Variants in RORA observed in about 807,000 individuals in gnomAD.
RORA encodes nuclear receptor ROR-alpha.
Under a neutral mutation model 69.5 loss-of-function variants are expected in RORA, and 7 were observed. The observed-to-expected ratio is 0.10, with a 90% confidence interval of 0.06 to 0.19. RORA has a LOEUF of 0.19. Ranked by LOEUF, RORA falls within the 10% of genes least tolerant of loss-of-function variation. The pLI is 1.00. For synonymous variants in RORA, 261 were observed against 240.8 expected (o/e 1.08, Z -0.78); for missense variants, 457 against 663.0 (o/e 0.69, Z 3.41).
rs911322932 is a variant in RORA, at chr15:60,621,961, T to C, written c.196+56696A>G. Among the ~76,000 whole-genome samples the C allele has an allele frequency of 3.8e-4, 57 of 151,886 alleles. 1 individual carries two copies. The highest frequency in any genetic ancestry group is 1.3e-3 in the African/African-American group (54 of 41,356). On this transcript the variant is annotated intron_variant, in intron 2 of 10. Coordinates refer to ENST00000335670, the MANE Select transcript of RORA (RefSeq NM_134261.3). ...TACTCAGGAGGCTGAGGCAGGAGAA[T>C]TGCTTGAATCCGGGAGGCGGAGGTC...
chr15:60,976,016 G>A (rs569468808), intron 1 of RORA, among the ~76,000 whole-genome samples: 34 of 152,322 alleles, frequency 2.2e-4, no homozygotes, highest in Non-Finnish European at 2.9e-5. Flanking sequence ...GACTGGCTTG[G>A]GCCATATAAG....
At chr15:60,862,338 T>C (rs376754931) in intron 1 of RORA, among the ~76,000 whole-genome samples, 2 of 152,232 alleles carry the variant, frequency 1.3e-5, no homozygotes, top group East Asian at 1.9e-4. Flanking sequence ...GCTAAAATTC[T>C]TAGCTTAGAT....
chr15:60,654,797 CAG>C (rs1236054022), intron 2 of RORA, among the ~76,000 whole-genome samples: 1 of 152,100 alleles, frequency 6.6e-6, no homozygotes, highest in Non-Finnish European at 1.5e-5. Flanking sequence ...ACTTTGGAGA[CAG>C]AGGAAGGAGC....
rs33962963 is a variant in RORA at position 60,703,126 on chromosome 15, AACACACACACAC to A, written c.167-24452_167-24441del. Among the ~76,000 whole-genome samples the A allele has an allele frequency of 1.3e-3, 194 of 145,574 alleles. 1 individual carries two copies. The highest frequency in any genetic ancestry group is 4.6e-3 in the African/African-American group (182 of 39,504). ...GAGCAAGGAGACGATGCTTCAGATT[AACACACACACAC>A]ACACACACACACACACACACACACA... On this transcript the variant is annotated intron_variant, in intron 1 of 10. Coordinates refer to ENST00000335670, the MANE Select transcript of RORA (RefSeq NM_134261.3).
At chr15:61,079,092 C>G (rs1258295282) in intron 1 of RORA, among the ~76,000 whole-genome samples, 4 of 151,992 alleles carry the variant, frequency 2.6e-5, no homozygotes, top group Admixed American at 6.6e-5. Context: ...CCCTTACTAA[C>G]CAATTACAGA....
intron 1 of RORA, among the ~76,000 whole-genome samples, chr15:61,129,208 A>C (rs540286708): frequency 7.9e-5 from 12 of 152,282 alleles, no homozygotes; most frequent in Admixed American, 4.6e-4. Flanking sequence ...ATGTTACAGA[A>C]GGTATTTCAA....
chr15:60,505,371 T>A, intron 6 of RORA, 137 bp downstream of exon 6: 1 of 894,918 alleles, frequency 1.1e-6, no homozygotes. Context: ...CATTAGTAGC[T>A]TCAGAAAAAA....
At chr15:60,604,840 C>T (rs1346519906) in intron 2 of RORA, among the ~76,000 whole-genome samples, 3 of 152,146 alleles carry the variant, frequency 2.0e-5, no homozygotes, top group Admixed American at 1.3e-4. Flanking sequence ...TAACACCTAT[C>T]TTTAGAGATG....
chr15:61,043,964 T>C (rs1483688576), intron 1 of RORA, among the ~76,000 whole-genome samples: 1 of 152,094 alleles, frequency 6.6e-6, no homozygotes, highest in East Asian at 1.9e-4. Context: ...AGAGCAAAGC[T>C]GTGCTCAAAG....
At chr15:60,515,936 TA>T (rs1367338620) in intron 3 of RORA, among the ~76,000 whole-genome samples, 198 of 17,532 alleles carry the variant, frequency 0.011, 15 homozygotes, top group Middle Eastern at 0.042. Context: ...TTTATATATA[TA>T]TTTATATATA....
intron 1 of RORA, among the ~76,000 whole-genome samples, chr15:61,161,656 C>CA (rs67225733): frequency 2.0e-5 from 3 of 150,524 alleles, no homozygotes; most frequent in South Asian, 4.2e-4. Flanking sequence ...AATAGAATCT[C>CA]AAAAAAAAAG....
At chr15:60,946,836 T>C (rs1469350280) in intron 1 of RORA, among the ~76,000 whole-genome samples, 5 of 149,588 alleles carry the variant, frequency 3.3e-5, no homozygotes, top group African/African-American at 5.0e-5. Context: ...CGTCTCTGCC[T>C]GGCCGCCCAT....
At chr15:60,837,465 C>A (rs1278255112) in intron 1 of RORA, among the ~76,000 whole-genome samples, 1 of 152,184 alleles carries the variant, frequency 6.6e-6, no homozygotes, top group Non-Finnish European at 1.5e-5. Context: ...CACTGCCAAC[C>A]TCACCCCTCC....
intron 1 of RORA, among the ~76,000 whole-genome samples, chr15:61,016,193 C>T (rs552898152): frequency 2.0e-5 from 3 of 152,240 alleles, no homozygotes; most frequent in Admixed American, 6.5e-5. Flanking sequence ...ATCTCTAAGA[C>T]GGTGCTAATA....
At chr15:60,869,481 C>T (rs980560100) in intron 1 of RORA, among the ~76,000 whole-genome samples, 1 of 152,176 alleles carries the variant, frequency 6.6e-6, no homozygotes, top group African/African-American at 2.4e-5. Context: ...CTCCTGAGTT[C>T]AGCCAACACT....
In RORA at chr15:60,728,554, C is replaced by G. The variant is rs532083268; in HGVS notation, c.167-49868G>C. ...TCATTCGTTTCATCCAAAATACCTA[C>G]AGAGACACACAATTCACTTATAAAG... On this transcript the variant is annotated intron_variant, in intron 1 of 10. Coordinates refer to ENST00000335670, the MANE Select transcript of RORA (RefSeq NM_134261.3). Among the ~76,000 whole-genome samples, 92 of 152,262 alleles carry G rather than the reference C, an allele frequency of 6.0e-4. 2 individuals carry two copies. The South Asian group carries it at 0.017, about 28-fold the overall frequency.
At chr15:61,104,485 T>C (rs1406900670) in intron 1 of RORA, among the ~76,000 whole-genome samples, 1 of 152,210 alleles carries the variant, frequency 6.6e-6, no homozygotes. Context: ...AGCTTTCATG[T>C]TTATCTTCAC....
At chr15:60,743,016 A>ATTTTTTTTT (rs33922947) in intron 1 of RORA, among the ~76,000 whole-genome samples, 10 of 105,162 alleles carry the variant, frequency 9.5e-5, no homozygotes, top group African/African-American at 2.9e-4. Context: ...CATTCATTCT[A>ATTTTTTTTT]TTTTTTTTTT....
intron 1 of RORA, among the ~76,000 whole-genome samples, chr15:61,221,702 C>T (rs2080098205): frequency 6.6e-6 from 1 of 152,174 alleles, no homozygotes; most frequent in Admixed American, 6.5e-5. Context: ...GCCAAACCCT[C>T]CCCCGAAGTA....
Sources: gnomAD v4.1 joint callset for allele counts (sites outside exome capture counted in the v4.1 genomes callset) on GRCh38, gnomAD v4.1.1 for gene constraint, MANE v1.5 for transcripts, NCBI Gene and HGNC (gene_info 2026-07-23, HGNC 2026-07-21) for gene names.